PCDHB3: variants seen among roughly 807,000 people sequenced by gnomAD.
PCDHB3 encodes protocadherin beta 3.
For missense variants in PCDHB3, 967 were observed against 1,012.1 expected (o/e 0.96, Z 0.60); for synonymous variants, 479 against 456.0 (o/e 1.05, Z -0.64).
In PCDHB3 at chr5:141,101,336, C is replaced by A. The variant is rs782766954; in HGVS notation, c.687C>A (p.Asn229Lys). The change falls in exon 1 of 1, where the codon AAC becomes AAA. Residue 229 changes from asparagine (N) to lysine (K), a missense_variant. By Grantham distance (94) the Asn-to-Lys change is moderately conservative. Coordinates refer to ENST00000231130, the MANE Select transcript of PCDHB3 (RefSeq NM_018937.5). ...SPPRSGTAQI[N>K]IQVLDINDNA... ...CTCGGTCTGGGACAGCCCAGATAAACATCCAGGTCTTAGATATAAACGACA... is the reference window on the plus strand; with the variant it reads ...CTCGGTCTGGGACAGCCCAGATAAAAATCCAGGTCTTAGATATAAACGACA... 1.2e-6 allele frequency: 2 copies of A among 1,614,172 alleles called. No individual in the cohort carries two copies. The highest frequency in any genetic ancestry group is 4.5e-5 in the East Asian group (2 of 44,874).
Position 141,101,259 on chromosome 5 carries a change from G to A in PCDHB3, c.610G>A (p.Glu204Lys), listed in dbSNP as rs1554272237. The A allele has an allele frequency of 2.5e-6, 4 of 1,614,036 alleles. No homozygotes were observed. In the East Asian group the frequency reaches 6.7e-5, roughly 27 times the overall value. ...LVLDKALDPE[E>K]QPELSLTLTA... is the part of the protein sequence containing the mutation. ...ACTGGATAAAGCGCTCGATCCGGAG[G>A]AGCAGCCGGAACTCAGCTTAACGCT... The change falls in exon 1 of 1, where the codon GAG becomes AAG. Residue 204 changes from glutamate to lysine, a missense_variant. Glu to Lys is a moderately conservative substitution (Grantham distance 56). Coordinates refer to ENST00000231130, the MANE Select transcript of PCDHB3 (RefSeq NM_018937.5).
At position 141,102,495 on chromosome 5, in the gene PCDHB3, G is replaced by C. The variant is rs782736232; in HGVS notation, c.1846G>C (p.Gly616Arg). Residue 616 changes from glycine (G) to arginine (R), a missense_variant, in exon 1 of 1, where the codon GGC (glycine) becomes CGC (arginine). By Grantham distance (125) the Gly-to-Arg change is moderately radical. Coordinates refer to ENST00000231130, the MANE Select transcript of PCDHB3 (RefSeq NM_018937.5). ...LLKATEPGLF[G>R]VWAHNGEVRT... ...CAAGGCCACGGAGCCCGGGCTGTTC[G>C]GCGTGTGGGCGCACAATGGCGAAGT... The C allele has an allele frequency of 5.0e-6, 8 of 1,608,686 alleles. No homozygotes were observed. The South Asian group carries it at 8.8e-5, about 18-fold the overall frequency.
rs782762811 is a variant in PCDHB3 at position 141,101,737 on chromosome 5, C to T, written c.1088C>T (p.Thr363Ile). 6.2e-7 allele frequency: 1 copy of T among 1,614,024 alleles called. No homozygotes were observed. The highest frequency in any genetic ancestry group is 1.1e-5 in the South Asian group (1 of 91,082). Residue 363 changes from threonine (T) to isoleucine (I), a missense_variant, in exon 1 of 1, where the codon ACT (threonine) becomes ATT (isoleucine). Transcript: ENST00000231130. ...NSPIPENSGE[T>I]VLAVFSVSDL... ...CCTATTCCTGAGAACTCGGGAGAGA[C>T]TGTACTGGCTGTTTTCAGTGTTTCT... is the stretch of plus-strand genomic sequence containing the variant.
rs1554272787 is a variant in PCDHB3, at chr5:141,103,562, T to C, written c.*522T>C. The C allele has an allele frequency of 6.6e-6, 1 of 152,322 alleles. No homozygotes were observed. The highest frequency in any genetic ancestry group is 1.9e-4 in the East Asian group (1 of 5,208). 9.4% of individuals were successfully genotyped at this position (152,322 alleles called of 1,614,324 possible). A position where few individuals can be genotyped will look rare whatever the true frequency, so the allele number is the denominator to read the frequency against. On this transcript the variant is annotated 3_prime_UTR_variant, in exon 1 of 1. Transcript: ENST00000231130. ...ATGCCCAAAGCAGCTTTGTCTATAG[T>C]TAACAAAGTTTTAAGGATAGACAAG...
At position 141,101,032 on chromosome 5, in the gene PCDHB3, A is replaced by G. The variant is rs144865261; in HGVS notation, c.383A>G (p.Asp128Gly). 500 of 1,614,200 alleles carry G rather than the reference A, an allele frequency of 3.1e-4. 5 individuals carry two copies. In the East Asian group the frequency reaches 9.8e-3, roughly 32 times the overall value. Residue 128 changes from aspartate to glycine, a missense_variant, in exon 1 of 1, where the codon GAC becomes GGC. Physicochemically the swap from Asp to Gly is moderately conservative, Grantham distance 94. Coordinates refer to ENST00000231130, the MANE Select transcript of PCDHB3 (RefSeq NM_018937.5). ...TNELRIIDVN[D>G]HSPVFFENEM... is the part of the protein sequence containing the mutation. The stretch of plus-strand genomic sequence containing the variant: ...GAGCTCCGTATCATAGATGTAAATG[A>G]CCATTCTCCGGTATTCTTTGAAAAT...
rs1160123947 is a variant in PCDHB3, at chr5:141,102,624, C to T, written c.1975C>T (p.His659Tyr). 1.9e-6 allele frequency: 3 copies of T among 1,609,652 alleles called. No homozygotes were observed. Among genetic ancestry groups the T allele is most frequent in the African/African-American group, 1.3e-5 (1 of 74,886 alleles). The change falls in exon 1 of 1, where the codon CAT becomes TAT. Residue 659 changes from histidine (H) to tyrosine (Y), a missense_variant. His to Tyr is a moderately conservative substitution (Grantham distance 83). Coordinates refer to ENST00000231130, the MANE Select transcript of PCDHB3 (RefSeq NM_018937.5). ...EPPRSATATL[H>Y]VLLVDGFSQP... is the part of the protein sequence containing the mutation. ...TCCGCGCTCGGCCACCGCCACGCTG[C>T]ATGTGCTCCTGGTGGACGGCTTCTC...
In PCDHB3 at chr5:141,101,590, G is replaced by A; in HGVS notation, c.941G>A (p.Ser314Asn). 2 of 1,614,180 alleles carry A rather than the reference G, an allele frequency of 1.2e-6. No homozygotes were observed. The highest frequency in any genetic ancestry group is 1.7e-6 in the Non-Finnish European group (2 of 1,180,014). The change falls in exon 1 of 1, where the codon AGT becomes AAT. Residue 314 changes from serine (S) to asparagine (N), a missense_variant. Transcript: ENST00000231130. The part of the protein sequence containing the change: ...VKYLNFEAIN[S>N]YEVDIEAKDG... ...TATTTGAATTTTGAAGCGATTAATAGTTATGAAGTCGACATCGAGGCCAAG... is the reference window on the plus strand; with the variant it reads ...TATTTGAATTTTGAAGCGATTAATAATTATGAAGTCGACATCGAGGCCAAG...
rs781788115 is a variant in PCDHB3 at position 141,101,478 on chromosome 5, A to G, written c.829A>G (p.Ile277Val). Residue 277 changes from isoleucine (I) to valine (V), a missense_variant, in exon 1 of 1, where the codon ATA (isoleucine) becomes GTA (valine). Transcript: ENST00000231130. ...CTTAGATACAGGAAGTTTTGGGACA[A>G]TATCATATGCATTTTTTCATGCTTC... ...SDLDTGSFGTISYAFFHASEE... is the reference protein window; with the variant it reads ...SDLDTGSFGTVSYAFFHASEE... The G allele has an allele frequency of 1.9e-6, 3 of 1,614,002 alleles. No homozygotes were observed. The highest frequency in any genetic ancestry group is 3.3e-5 in the Admixed American group (2 of 59,998).
Position 141,101,451 on chromosome 5 carries a change from G to C in PCDHB3, c.802G>C (p.Asp268His), listed in dbSNP as rs1249344569. The change falls in exon 1 of 1, where the codon GAC becomes CAC. Residue 268 changes from aspartate to histidine, a missense_variant. Coordinates refer to ENST00000231130, the MANE Select transcript of PCDHB3 (RefSeq NM_018937.5). ...NSVIVTVSAS[D>H]LDTGSFGTIS... is the part of the protein sequence containing the mutation. ...TGTCATTGTCACTGTCTCGGCTTCTGACTTAGATACAGGAAGTTTTGGGAC... is the reference window on the plus strand; with the variant it reads ...TGTCATTGTCACTGTCTCGGCTTCTCACTTAGATACAGGAAGTTTTGGGAC... The C allele has an allele frequency of 1.9e-6, 3 of 1,614,170 alleles. No homozygotes were observed. Among genetic ancestry groups the C allele is most frequent in the African/African-American group, 2.7e-5 (2 of 75,042 alleles).
chr5:141,102,604 G>C lies in PCDHB3; in HGVS notation c.1955G>C (p.Arg652Pro), dbSNP rs142017103. 6.2e-7 allele frequency: 1 copy of C among 1,608,686 alleles called. No individual in the cohort carries two copies. Among genetic ancestry groups the C allele is most frequent in the South Asian group, 1.1e-5 (1 of 90,982 alleles). Residue 652 changes from arginine (R) to proline (P), a missense_variant, in exon 1 of 1, where the codon CGC becomes CCC. Transcript: ENST00000231130. ...GTCAAGGACAATGGCGAGCCTCCGC[G>C]CTCGGCCACCGCCACGCTGCATGTG... ...VLVKDNGEPP[R>P]SATATLHVLL...
In PCDHB3 at chr5:141,102,293, C is replaced by A. The variant is rs370431175; in HGVS notation, c.1644C>A (p.Arg548=). 4 of 1,611,630 alleles carry A rather than the reference C, an allele frequency of 2.5e-6. No homozygotes were observed. The African/African-American group carries it at 5.3e-5, about 22-fold the overall frequency. ...SPALSSEALV[R]VLVLDANDNS... Reference sequence around the variant, plus strand: ...CTTTGAGCAGCGAGGCGCTGGTGCGCGTGCTGGTGCTGGACGCCAACGACA... The same window carrying A: ...CTTTGAGCAGCGAGGCGCTGGTGCGAGTGCTGGTGCTGGACGCCAACGACA... Residue 548 remains arginine, a synonymous_variant, in exon 1 of 1, where the codon CGC becomes CGA. Transcript: ENST00000231130.
In PCDHB3 at chr5:141,100,939, G is replaced by A; in HGVS notation, c.290G>A (p.Gly97Asp). 6.2e-7 allele frequency: 1 copy of A among 1,613,998 alleles called. No individual in the cohort carries two copies. The highest frequency in any genetic ancestry group is 8.5e-7 in the Non-Finnish European group (1 of 1,180,006). ...NEKLDREELC[G>D]PTEPCILHFQ... ...AAATTGGACCGGGAGGAGCTATGCG[G>A]CCCCACAGAACCATGCATACTACAT... The change falls in exon 1 of 1, where the codon GGC becomes GAC. Residue 97 changes from glycine (G) to aspartate (D), a missense_variant. Gly to Asp is a moderately conservative substitution (Grantham distance 94). Coordinates refer to ENST00000231130, the MANE Select transcript of PCDHB3 (RefSeq NM_018937.5).
At position 141,102,778 on chromosome 5, in the gene PCDHB3, C is replaced by T. The variant is rs782039280; in HGVS notation, c.2129C>T (p.Ala710Val). The T allele has an allele frequency of 6.2e-7, 1 of 1,612,190 alleles. No individual in the cohort carries two copies. The highest frequency in any genetic ancestry group is 1.1e-5 in the South Asian group (1 of 90,978). Reference sequence around the variant, plus strand: ...CTCTTTTCGGTGCTCCTGTTCGTGGCGGTGCGGCTGTGCAGGAGGAGCAGG... The same window carrying T: ...CTCTTTTCGGTGCTCCTGTTCGTGGTGGTGCGGCTGTGCAGGAGGAGCAGG... Reference protein sequence around the residue: ...LFLFSVLLFVAVRLCRRSRAA... With the variant: ...LFLFSVLLFVVVRLCRRSRAA... The change falls in exon 1 of 1, where the codon GCG becomes GTG. Residue 710 changes from alanine to valine, a missense_variant. Coordinates refer to ENST00000231130, the MANE Select transcript of PCDHB3 (RefSeq NM_018937.5).
chr5:141,102,035 G>A lies in PCDHB3; in HGVS notation c.1386G>A (p.Glu462=), dbSNP rs1451222921. The A allele has an allele frequency of 4.3e-6, 7 of 1,612,976 alleles. No homozygotes were observed. In the African/African-American group the frequency reaches 9.3e-5, roughly 22 times the overall value. Residue 462 remains glutamate (E), a synonymous_variant, in exon 1 of 1, where the codon GAG becomes GAA. Transcript: ENST00000231130. ...TQISYTLFVR[E]NNSPALHIGS... ...TCTCCTACACCCTGTTCGTCCGCGAGAACAACAGCCCCGCCCTGCACATCG... is the reference window on the plus strand; with the variant it reads ...TCTCCTACACCCTGTTCGTCCGCGAAAACAACAGCCCCGCCCTGCACATCG...
At position 141,100,572 on chromosome 5, in the gene PCDHB3, G is replaced by A; in HGVS notation, c.-78G>A. On this transcript the variant is annotated 5_prime_UTR_variant, in exon 1 of 1. Transcript: ENST00000231130. ...TCACTAGGCCGTCTACAAAGGTTGT[G>A]GGGCAAAAGACTGTTTCCCAGCTCT... The A allele has an allele frequency of 3.5e-6, 4 of 1,151,996 alleles. No individual in the cohort carries two copies. The highest frequency in any genetic ancestry group is 1.5e-5 in the African/African-American group (1 of 64,726). The allele number at this position is 1,151,996 out of a possible 1,614,324, so 71.4% of individuals were successfully genotyped here. A position where few individuals can be genotyped will look rare whatever the true frequency, so the allele number is the denominator to read the frequency against.
chr5:141,102,875 C>G lies in PCDHB3; in HGVS notation c.2226C>G (p.Thr742=), dbSNP rs17844405. 6.2e-7 allele frequency: 1 copy of G among 1,613,666 alleles called. No individual in the cohort carries two copies. Among genetic ancestry groups the G allele is most frequent in the South Asian group, 1.1e-5 (1 of 91,026 alleles). ...FPGQMVDVSG[T]GTLSQSYQYE... ...GGCAGATGGTGGACGTGAGCGGCAC[C>G]GGGACCCTGTCCCAGAGCTACCAGT... is the stretch of plus-strand genomic sequence containing the variant. The change falls in exon 1 of 1, where the codon ACC becomes ACG. Residue 742 remains threonine (T), a synonymous_variant. Transcript: ENST00000231130.
At position 141,103,342 on chromosome 5, in the gene PCDHB3, C is replaced by A; in HGVS notation, c.*302C>A. The A allele has an allele frequency of 4.0e-6, 1 of 249,302 alleles. No individual in the cohort carries two copies. Among genetic ancestry groups the A allele is most frequent in the African/African-American group, 2.2e-5 (1 of 44,546 alleles). The allele number at this position is 249,302 out of a possible 1,614,324, so 15.4% of individuals were successfully genotyped here. A position where few individuals can be genotyped will look rare whatever the true frequency, so the allele number is the denominator to read the frequency against. On this transcript the variant is annotated 3_prime_UTR_variant, in exon 1 of 1. Transcript: ENST00000231130. ...TTCTCCTTTCATCCTGGCTTGCCAA[C>A]GCAGTCTTAATTCCGCCTTTTTTTT...
chr5:141,101,407 AG>A lies in PCDHB3; in HGVS notation c.759del (p.Asn254IlefsTer16). ...CCGCTCTATGAGGTTGCAGTTCTAG[AG>A]AATACCCCCGTTAACTCTGTCATTG... ...AQPLYEVAVL[E>X]NTPVNSVIVT... On this transcript the variant is annotated frameshift_variant, in exon 1 of 1. Coordinates refer to ENST00000231130, the MANE Select transcript of PCDHB3 (RefSeq NM_018937.5). LOFTEE classifies it low-confidence loss of function (END_TRUNC). The A allele has an allele frequency of 1.2e-6, 2 of 1,614,236 alleles. No homozygotes were observed. Among genetic ancestry groups the A allele is most frequent in the South Asian group, 2.2e-5 (2 of 91,084 alleles).
At position 141,102,718 on chromosome 5, in the gene PCDHB3, T is replaced by G; in HGVS notation, c.2069T>G (p.Leu690Arg). ...QAQADLLTVY[L>R]VVALASVSSL... ...CAGGCCGACTTGCTCACCGTCTACCTGGTGGTGGCATTGGCCTCGGTGTCT... is the reference window on the plus strand; with the variant it reads ...CAGGCCGACTTGCTCACCGTCTACCGGGTGGTGGCATTGGCCTCGGTGTCT... Residue 690 changes from leucine (L) to arginine (R), a missense_variant, in exon 1 of 1, where the codon CTG (leucine) becomes CGG (arginine). By Grantham distance (102) the Leu-to-Arg change is moderately radical (BLOSUM62 -2). Coordinates refer to ENST00000231130, the MANE Select transcript of PCDHB3 (RefSeq NM_018937.5). The G allele has an allele frequency of 6.2e-7, 1 of 1,611,954 alleles. No individual in the cohort carries two copies. Among genetic ancestry groups the G allele is most frequent in the Non-Finnish European group, 8.5e-7 (1 of 1,179,764 alleles).
Sources: gnomAD v4.1 joint callset for allele counts on GRCh38, gnomAD v4.1.1 for gene constraint, MANE v1.5 for transcripts, NCBI Gene and HGNC (gene_info 2026-07-23, HGNC 2026-07-21) for gene names.